Variants in ERC2 observed in about 807,000 individuals in gnomAD.
The protein encoded by ERC2 is ERC protein 2.
ERC2 carries 42 observed loss-of-function variants against 114.8 expected under a neutral mutation model. That is an observed-to-expected ratio of 0.37 (90% CI 0.29 to 0.47). The LOEUF (loss-of-function observed/expected upper bound fraction) is 0.47, where lower values mean the gene tolerates loss of function less well. Among genes scored for constraint, ERC2 ranks in the 20% least tolerant of loss-of-function variants. The probability of loss-of-function intolerance (pLI) is 0.99; values close to 1 mark genes in which losing one functional copy is unlikely to be tolerated. For missense variants in ERC2, 939 were observed against 1,150.7 expected (o/e 0.82, Z 2.66); for synonymous variants, 454 against 425.5 (o/e 1.07, Z -0.82).
chr3:56,398,671 C>G (rs909120842), intron 2 of ERC2, among the ~76,000 whole-genome samples: 4 of 151,878 alleles, frequency 2.6e-5, no homozygotes, highest in African/African-American at 9.7e-5. Flanking sequence ...GTTGGCCAGG[C>G]TGTAGTGCAG....
intron 17 of ERC2, among the ~76,000 whole-genome samples, chr3:55,576,953 C>T (rs1046959587): frequency 6.6e-6 from 1 of 152,210 alleles, no homozygotes; most frequent in African/African-American, 2.4e-5. Flanking sequence ...AGAGTCTTGC[C>T]GTGCTCTGTC....
Position 55,665,042 on chromosome 3 carries a change from A to C in ERC2, c.*39+18752T>G, listed in dbSNP as rs140843799. 2.4e-3 allele frequency among the ~76,000 whole-genome samples: 366 copies of C among 152,330 alleles called. 3 individuals are homozygous for C. The highest frequency in any genetic ancestry group is 2.5e-3 in the Non-Finnish European group (170 of 68,026). On this transcript the variant is annotated intron_variant, in intron 17 of 17. Transcript: ENST00000288221. ...AGCTTCAAGGTGTCTTTACAGCCAC[A>C]TTCTTCTGCAGTCTGCAGAATAATT...
chr3:55,549,877 C>A (rs2055029985), intron 17 of ERC2, among the ~76,000 whole-genome samples: 1 of 151,902 alleles, frequency 6.6e-6, no homozygotes, highest in Non-Finnish European at 1.5e-5. Flanking sequence ...CTGGTCACCA[C>A]CACCTCCTTT....
At chr3:56,163,637 G>T (rs879569198) in intron 4 of ERC2, among the ~76,000 whole-genome samples, 1 of 151,952 alleles carries the variant, frequency 6.6e-6, no homozygotes, top group Non-Finnish European at 1.5e-5. Flanking sequence ...TTTAACTGTT[G>T]TTGGTTTTAA....
At chr3:56,457,456 C>T (rs914582529) in intron 1 of ERC2, among the ~76,000 whole-genome samples, 1 of 152,188 alleles carries the variant, frequency 6.6e-6, no homozygotes, top group Non-Finnish European at 1.5e-5. Context: ...GCCACCCTCT[C>T]TTCCCAATGT....
intron 2 of ERC2, among the ~76,000 whole-genome samples, chr3:56,433,020 T>C (rs1275882353): frequency 6.6e-6 from 1 of 151,692 alleles, no homozygotes; most frequent in South Asian, 2.1e-4. Flanking sequence ...CAAAAAAAAA[T>C]AATTTTAATC....
chr3:56,134,737 A>C (rs776303262), intron 6 of ERC2, among the ~76,000 whole-genome samples: 3 of 152,150 alleles, frequency 2.0e-5, no homozygotes, highest in Non-Finnish European at 2.9e-5. Context: ...GTTTACTCTT[A>C]GACAAGTATT....
chr3:55,821,651 C>T (rs2060128672), intron 14 of ERC2, among the ~76,000 whole-genome samples: 1 of 152,220 alleles, frequency 6.6e-6, no homozygotes, highest in African/African-American at 2.4e-5. Context: ...CTAACAAGAG[C>T]TGATGTAGCA....
At chr3:56,122,187 G>A (rs2079615540) in intron 6 of ERC2, among the ~76,000 whole-genome samples, 1 of 152,194 alleles carries the variant, frequency 6.6e-6, no homozygotes, top group Admixed American at 6.5e-5. Flanking sequence ...AGGGAGGCAG[G>A]TCAGTATGCA....
chr3:56,463,460 C>G (rs1577077331), intron 1 of ERC2, among the ~76,000 whole-genome samples: 1 of 152,128 alleles, frequency 6.6e-6, no homozygotes, highest in African/African-American at 2.4e-5. Flanking sequence ...CACTCTAAGT[C>G]CAAGGGAGTC....
intron 6 of ERC2, among the ~76,000 whole-genome samples, chr3:56,085,121 T>TAGAATCC: frequency 6.6e-6 from 1 of 152,098 alleles, no homozygotes; most frequent in African/African-American, 2.4e-5. Flanking sequence ...CAGGAATCCG[T>TAGAATCC]TTTTGGTAGA....
intron 4 of ERC2, among the ~76,000 whole-genome samples, chr3:56,166,995 A>G (rs551322233): frequency 6.6e-6 from 1 of 152,188 alleles, no homozygotes; most frequent in Admixed American, 6.6e-5. Context: ...CTCTCAATCA[A>G]ACTGAATGAT....
intron 1 of ERC2, among the ~76,000 whole-genome samples, chr3:56,458,237 A>C (rs532909417): frequency 6.6e-6 from 1 of 152,146 alleles, no homozygotes; most frequent in Non-Finnish European, 1.5e-5. Flanking sequence ...CTGTTGTAAA[A>C]ATATATATAT....
intron 8 of ERC2, among the ~76,000 whole-genome samples, chr3:56,016,792 GTTAA>G (rs1256012818): frequency 6.6e-6 from 1 of 152,102 alleles, no homozygotes; most frequent in African/African-American, 2.4e-5. Flanking sequence ...GGCTCACCCA[GTTAA>G]TTAATGGCTC....
intron 1 of ERC2, among the ~76,000 whole-genome samples, chr3:56,446,563 G>T (rs1436741817): frequency 6.6e-6 from 1 of 150,898 alleles, no homozygotes; most frequent in Non-Finnish European, 1.5e-5. Context: ...GGACAATTTG[G>T]AACTAAAACA....
At chr3:55,802,309 G>A (rs1400517847) in intron 14 of ERC2, among the ~76,000 whole-genome samples, 4 of 152,266 alleles carry the variant, frequency 2.6e-5, no homozygotes, top group South Asian at 2.1e-4. Flanking sequence ...CACGCATTAT[G>A]TATTGAATAG....
At chr3:55,533,120 G>C (rs539169770) in intron 17 of ERC2, among the ~76,000 whole-genome samples, 2 of 152,328 alleles carry the variant, frequency 1.3e-5, no homozygotes, top group Non-Finnish European at 2.9e-5. Context: ...ACCAAAATAT[G>C]CTTCTCGCCT....
intron 13 of ERC2, among the ~76,000 whole-genome samples, chr3:55,901,255 A>G (rs1192069267): frequency 1.3e-5 from 2 of 152,136 alleles, no homozygotes; most frequent in African/African-American, 4.8e-5. Flanking sequence ...TCAGTTTTCC[A>G]TTATTGTACA....
At chr3:55,599,087 T>C (rs1437525333) in intron 17 of ERC2, among the ~76,000 whole-genome samples, 1 of 152,208 alleles carries the variant, frequency 6.6e-6, no homozygotes, top group African/African-American at 2.4e-5. Flanking sequence ...TCAAAAACTT[T>C]TGCAGACTCC....
Sources: gnomAD v4.1 joint callset for allele counts (sites outside exome capture counted in the v4.1 genomes callset) on GRCh38, gnomAD v4.1.1 for gene constraint, MANE v1.5 for transcripts, NCBI Gene and HGNC (gene_info 2026-07-23, HGNC 2026-07-21) for gene names.